RAD51B: variants seen among roughly 807,000 people sequenced by gnomAD.
RAD51B encodes DNA repair protein RAD51 homolog 2.
A neutral mutation model predicts 42.2 loss-of-function variants in RAD51B; 38 were observed. That is an observed-to-expected ratio of 0.90 (90% CI 0.70 to 1.18). The LOEUF is 1.18. RAD51B is among the 50% of genes most tolerant of loss of function. The pLI is 0.00. For synonymous variants in RAD51B, 154 were observed against 145.2 expected (o/e 1.06, Z -0.43); for missense variants, 373 against 400.7 (o/e 0.93, Z 0.59).
chr14:68,428,223 T>G (rs550965927), intron 9 of RAD51B, among the ~76,000 whole-genome samples: 10 of 152,344 alleles, frequency 6.6e-5, no homozygotes, highest in African/African-American at 2.2e-4. Flanking sequence ...CAATATGTAT[T>G]ACAACTTAAA....
At chr14:67,979,365 C>T (rs950187976) in intron 7 of RAD51B, among the ~76,000 whole-genome samples, 7 of 152,232 alleles carry the variant, frequency 4.6e-5, no homozygotes, top group Middle Eastern at 3.4e-3. Context: ...TATCTCAAGA[C>T]ATTTTAATAG....
chr14:68,312,284 T>C (rs546984023), intron 8 of RAD51B, among the ~76,000 whole-genome samples: 11 of 152,368 alleles, frequency 7.2e-5, no homozygotes, highest in African/African-American at 2.6e-4. Flanking sequence ...CTCAGTTGTG[T>C]GATATCCATG....
chr14:68,235,426 C>T (rs907717767), intron 7 of RAD51B, among the ~76,000 whole-genome samples: 1 of 151,722 alleles, frequency 6.6e-6, no homozygotes, highest in African/African-American at 2.4e-5. Flanking sequence ...GATCTTCGGC[C>T]GGGCGCGGTG....
intron 7 of RAD51B, among the ~76,000 whole-genome samples, chr14:68,029,359 G>C (rs2076004980): frequency 6.6e-6 from 1 of 152,128 alleles, no homozygotes; most frequent in Non-Finnish European, 1.5e-5. Context: ...TATCAGCTAA[G>C]TTTATGGAAT....
rs1290792584 is a variant in RAD51B at position 68,429,714 on chromosome 14, T to C, written c.957+18187T>C. On this transcript the variant is annotated intron_variant, in intron 9 of 10. Coordinates refer to ENST00000471583, the MANE Select transcript of RAD51B (RefSeq NM_133510.4). Reference sequence around the variant, plus strand: ...TCTGTAGGTTGCCTGTTCACTCTGATGGTAGTTTCTTTTGCTGTGCAGAAG... The same window carrying C: ...TCTGTAGGTTGCCTGTTCACTCTGACGGTAGTTTCTTTTGCTGTGCAGAAG... 4.6e-5 allele frequency among the ~76,000 whole-genome samples: 7 copies of C among 152,322 alleles called. No individual in the cohort carries two copies. The East Asian group carries it at 1.3e-3, about 29-fold the overall frequency.
chr14:68,264,666 C>T (rs561880516), intron 7 of RAD51B, among the ~76,000 whole-genome samples: 3 of 152,080 alleles, frequency 2.0e-5, no homozygotes, highest in East Asian at 1.9e-4. Flanking sequence ...GATAGTTATA[C>T]GAAGTAGGAG....
Position 68,378,560 on chromosome 14 carries a change from C to T in RAD51B, c.854-32864C>T, listed in dbSNP as rs572515190. Among the ~76,000 whole-genome samples, 12 of 152,280 alleles carry T rather than the reference C, an allele frequency of 7.9e-5. No homozygotes were observed. The South Asian group carries it at 1.2e-3, about 16-fold the overall frequency. On this transcript the variant is annotated intron_variant, in intron 8 of 10. Coordinates refer to ENST00000471583, the MANE Select transcript of RAD51B (RefSeq NM_133510.4). ...TGTTTGCATATAACCTATGCACATC[C>T]TCCCATATACTTTAATCTCTAGATT...
intron 7 of RAD51B, 187 bp downstream of exon 7, chr14:67,887,391 A>T (rs2043095318): frequency 2.3e-6 from 1 of 440,100 alleles, no homozygotes; most frequent in East Asian, 3.6e-5. Flanking sequence ...ATCTGCTGAG[A>T]TTATTTTATT....
rs71757066 is a variant in RAD51B, at chr14:68,571,801, TTTTGTTTGTTTG to T, written c.1037-22672_1037-22661del. On this transcript the variant is annotated intron_variant, in intron 10 of 10. Transcript: ENST00000487270. ...GGTTGTTTGGTGTTGGATGGCTGTT[TTTTGTTTGTTTG>T]TTTGTTTGTTTTTTGAGAATCTCCT... Among the ~76,000 whole-genome samples the T allele has an allele frequency of 2.0e-5, 3 of 151,090 alleles. No homozygotes were observed. In the East Asian group the frequency reaches 5.8e-4, roughly 29 times the overall value.
At chr14:68,677,232 C>G (rs1312727353) in intron 11 of RAD51B, among the ~76,000 whole-genome samples, 2 of 152,130 alleles carry the variant, frequency 1.3e-5, no homozygotes, top group Non-Finnish European at 1.5e-5. Flanking sequence ...ATCAGGCTCA[C>G]CCTGGGGAAC....
At chr14:68,183,064 G>C (rs1001096129) in intron 7 of RAD51B, among the ~76,000 whole-genome samples, 8 of 152,064 alleles carry the variant, frequency 5.3e-5, no homozygotes, top group African/African-American at 1.7e-4. Context: ...CTTGTGTTAG[G>C]GTTCTCTAGA....
intron 10 of RAD51B, among the ~76,000 whole-genome samples, chr14:68,518,211 T>C (rs1303190225): frequency 6.6e-6 from 1 of 152,162 alleles, no homozygotes; most frequent in Non-Finnish European, 1.5e-5. Context: ...CACAGTGAAC[T>C]TAGAGCACAA....
chr14:68,646,104 C>T (rs1488420342), intron 10 of RAD51B, among the ~76,000 whole-genome samples: 4 of 151,738 alleles, frequency 2.6e-5, no homozygotes, highest in African/African-American at 7.3e-5. Context: ...TCCAACCATA[C>T]GTACTATTCC....
At chr14:67,902,893 A>G (rs992242909) in intron 7 of RAD51B, among the ~76,000 whole-genome samples, 1 of 151,976 alleles carries the variant, frequency 6.6e-6, no homozygotes, top group Non-Finnish European at 1.5e-5. Flanking sequence ...TCTGTCACCC[A>G]GGCTGGAGTG....
At chr14:67,869,731 A>T (rs1304734909) in intron 5 of RAD51B, among the ~76,000 whole-genome samples, 2 of 152,234 alleles carry the variant, frequency 1.3e-5, no homozygotes, top group African/African-American at 4.8e-5. Flanking sequence ...GACTAACAGC[A>T]GATCTCTTGG....
At chr14:67,989,334 T>TG (rs1462068549) in intron 7 of RAD51B, among the ~76,000 whole-genome samples, 1 of 152,158 alleles carries the variant, frequency 6.6e-6, no homozygotes, top group Non-Finnish European at 1.5e-5. Flanking sequence ...GTTTTGACCT[T>TG]GCATTTAAAT....
chr14:68,426,003 C>CTTTCTTTCTTT (rs2084834371), intron 9 of RAD51B, among the ~76,000 whole-genome samples: 3 of 130,030 alleles, frequency 2.3e-5, no homozygotes, highest in African/African-American at 1.1e-4. Flanking sequence ...TTCCTTCCTT[C>CTTTCTTTCTTT]CTTCCTTTCT....
intron 7 of RAD51B, among the ~76,000 whole-genome samples, chr14:68,262,992 T>A (rs1381059878): frequency 2.0e-5 from 3 of 152,250 alleles, no homozygotes; most frequent in African/African-American, 7.2e-5. Context: ...TTTGTCATGC[T>A]TTTCTCTTGG....
At chr14:68,129,835 A>T (rs2077847975) in intron 7 of RAD51B, among the ~76,000 whole-genome samples, 1 of 152,206 alleles carries the variant, frequency 6.6e-6, no homozygotes, top group African/African-American at 2.4e-5. Context: ...AAGAATTTGC[A>T]TTTCTAACAG....
Sources: gnomAD v4.1 joint callset for allele counts (sites outside exome capture counted in the v4.1 genomes callset) on GRCh38, gnomAD v4.1.1 for gene constraint, MANE v1.5 for transcripts, NCBI Gene and HGNC (gene_info 2026-07-23, HGNC 2026-07-21) for gene names.